CA2: variants seen among roughly 807,000 people sequenced by gnomAD.
CA2 encodes carbonate dehydratase II.
A neutral mutation model predicts 27.8 loss-of-function variants in CA2; 23 were observed. That is an observed-to-expected ratio of 0.83 (90% CI 0.59 to 1.17). The LOEUF is 1.17. Ranked by LOEUF, CA2 falls within the 50% of genes most tolerant of loss-of-function variation. CA2 has a pLI of 0.00. For missense variants in CA2, 300 were observed against 314.7 expected (o/e 0.95, Z 0.35); for synonymous variants, 99 against 114.9 (o/e 0.86, Z 0.88).
intron 4 of CA2, among the ~76,000 whole-genome samples, chr8:85,474,759 G>A (rs1215258659): frequency 6.6e-6 from 1 of 152,156 alleles, no homozygotes; most frequent in African/African-American, 2.4e-5. Context: ...TTCTGAAGAG[G>A]GGAAGGACAG....
In CA2 at chr8:85,464,039, G is replaced by C. The variant is rs556311734; in HGVS notation, c.-43G>C. 9.7e-6 allele frequency: 15 copies of C among 1,539,542 alleles called. No homozygotes were observed. The highest frequency in any genetic ancestry group is 5.5e-5 in the African/African-American group (4 of 72,718). ...GCAGGCGCCCAAGCCGCCGCCGCCA[G>C]ATCGGTGCCGATTCCTGCCCTGCCC... On this transcript the variant is annotated 5_prime_UTR_variant, in exon 1 of 7. Coordinates refer to ENST00000285379, the MANE Select transcript of CA2 (RefSeq NM_000067.3).
intron 2 of CA2, among the ~76,000 whole-genome samples, chr8:85,466,185 A>C (rs1234170211): frequency 7.0e-6 from 1 of 142,660 alleles, no homozygotes; most frequent in Non-Finnish European, 1.5e-5. Flanking sequence ...TTTTTTTTTT[A>C]TCTCTCTCTC....
chr8:85,478,805 C>A (rs1043238369), intron 6 of CA2, among the ~76,000 whole-genome samples: 4 of 152,192 alleles, frequency 2.6e-5, no homozygotes, highest in African/African-American at 9.6e-5. Flanking sequence ...CTATCTGAGT[C>A]CCTTGACTTG....
Position 85,473,708 on chromosome 8 carries a change from C to T in CA2, c.248C>T (p.Pro83Leu). The part of the protein sequence containing the change: ...SQDKAVLKGG[P>L]LDGTYRLIQF... ...TTAATTTTAGTGCTCAAGGGAGGAC[C>T]CCTGGATGGCACTTACAGATTGATT... The change falls in exon 3 of 7, where the codon CCC becomes CTC. Residue 83 changes from proline (P) to leucine (L), a missense_variant. Physicochemically the swap from Pro to Leu is moderately conservative, Grantham distance 98. Around this residue, in one of 3 missense-constraint regions of CA2, gnomAD observed 122 missense variants for 133.2 expected, o/e 0.92. Transcript: ENST00000285379. 1.3e-6 allele frequency: 2 copies of T among 1,597,696 alleles called. No individual in the cohort carries two copies. Among genetic ancestry groups the T allele is most frequent in the Non-Finnish European group, 1.7e-6 (2 of 1,165,162 alleles).
intron 6 of CA2, among the ~76,000 whole-genome samples, chr8:85,479,276 C>T (rs1811852276): frequency 6.6e-6 from 1 of 152,148 alleles, no homozygotes; most frequent in Non-Finnish European, 1.5e-5. Flanking sequence ...ATCGGTTATA[C>T]TGGTTTGATC....
intron 2 of CA2, among the ~76,000 whole-genome samples, chr8:85,469,193 G>A (rs1184688492): frequency 6.6e-6 from 1 of 152,058 alleles, no homozygotes; most frequent in East Asian, 1.9e-4. Context: ...AGTTATTTTT[G>A]TGGTGGTAAC....
chr8:85,475,772 A>G (rs1423166048), intron 4 of CA2, 26 bp from the exon 5 acceptor site: 8 of 1,609,238 alleles, frequency 5.0e-6, no homozygotes, highest in African/African-American at 1.3e-5. Context: ...GGGTGATAGT[A>G]TCTTGCCCTT....
intron 5 of CA2, among the ~76,000 whole-genome samples, chr8:85,476,101 A>T (rs1811795211): frequency 6.6e-6 from 1 of 152,216 alleles, no homozygotes; most frequent in Non-Finnish European, 1.5e-5. Flanking sequence ...TCATTTGGAC[A>T]TCCATATGTA....
In CA2 at chr8:85,473,779, C is replaced by T. The variant is rs118203933; in HGVS notation, c.319C>T (p.His107Tyr). 6.2e-7 allele frequency: 1 copy of T among 1,602,820 alleles called. No individual in the cohort carries two copies. Among genetic ancestry groups the T allele is most frequent in the Non-Finnish European group, 8.5e-7 (1 of 1,169,882 alleles). Residue 107 changes from histidine (H) to tyrosine (Y), a missense_variant, in exon 3 of 7, where the codon CAT becomes TAT. His to Tyr is a moderately conservative substitution (Grantham distance 83). Around this residue, in one of 3 missense-constraint regions of CA2, gnomAD observed 122 missense variants for 133.2 expected, o/e 0.92. Coordinates refer to ENST00000285379, the MANE Select transcript of CA2 (RefSeq NM_000067.3). The part of the protein sequence containing the change: ...WGSLDGQGSE[H>Y]TVDKKKYAAE... ...TTCACTTGATGGACAAGGTTCAGAG[C>T]ATACTGTGGATAAAAAGAAATATGC... is the stretch of plus-strand genomic sequence containing the variant.
intron 4 of CA2, 168 bp downstream of exon 4, chr8:85,474,584 A>G: frequency 4.5e-6 from 3 of 668,582 alleles, no homozygotes; most frequent in South Asian, 1.7e-5. Flanking sequence ...TGCAGTGGAG[A>G]TGGAGGGCAG....
chr8:85,476,779 C>T (rs1048167810), intron 5 of CA2, among the ~76,000 whole-genome samples: 1 of 152,124 alleles, frequency 6.6e-6, no homozygotes, highest in East Asian at 1.9e-4. Flanking sequence ...CTTGAAGTCA[C>T]CTCATTTTAG....
In CA2 at chr8:85,464,055, T is replaced by C. The variant is rs1002130884; in HGVS notation, c.-27T>C. ...CCGCCGCCAGATCGGTGCCGATTCCTGCCCTGCCCCGACCGCCAGCGCGAC... is the reference window on the plus strand; with the variant it reads ...CCGCCGCCAGATCGGTGCCGATTCCCGCCCTGCCCCGACCGCCAGCGCGAC... On this transcript the variant is annotated 5_prime_UTR_variant, in exon 1 of 7. Coordinates refer to ENST00000285379, the MANE Select transcript of CA2 (RefSeq NM_000067.3). The C allele has an allele frequency of 1.6e-5, 24 of 1,543,722 alleles. No individual in the cohort carries two copies. Among genetic ancestry groups the C allele is most frequent in the Non-Finnish European group, 2.0e-5 (23 of 1,147,540 alleles).
At chr8:85,475,768 T>C in intron 4 of CA2, 30 bp from the exon 5 acceptor site, 1 of 1,604,628 alleles carries the variant, frequency 6.2e-7, no homozygotes. Flanking sequence ...AACTGGGTGA[T>C]AGTATCTTGC....
chr8:85,481,406 TAC>T lies in CA2; in HGVS notation c.*619_*620del, dbSNP rs1260735228. On this transcript the variant is annotated 3_prime_UTR_variant, in exon 7 of 7. Coordinates refer to ENST00000285379, the MANE Select transcript of CA2 (RefSeq NM_000067.3). ...AAAATTGTTATAATTAGAGTTGTGA[TAC>T]AGAGTATATTTCCATTCAGACAATA... 6.6e-6 allele frequency: 1 copy of T among 152,670 alleles called. No homozygotes were observed. The highest frequency in any genetic ancestry group is 1.5e-5 in the Non-Finnish European group (1 of 68,266). The allele number at this position is 152,670 out of a possible 1,614,324, so 9.5% of individuals were successfully genotyped here.
In CA2 at chr8:85,481,127, A is replaced by G. The variant is rs1172204832; in HGVS notation, c.*338A>G. Reference sequence around the variant, plus strand: ...TTGACTAAAATGCTGCTTTTAAAACATAGGAAAGTAGAATGGTTGAGTGCA... The same window carrying G: ...TTGACTAAAATGCTGCTTTTAAAACGTAGGAAAGTAGAATGGTTGAGTGCA... On this transcript the variant is annotated 3_prime_UTR_variant, in exon 7 of 7. Coordinates refer to ENST00000285379, the MANE Select transcript of CA2 (RefSeq NM_000067.3). 1 of 294,518 alleles carries G rather than the reference A, an allele frequency of 3.4e-6. No individual in the cohort carries two copies. The highest frequency in any genetic ancestry group is 8.0e-5 in the East Asian group (1 of 12,520). The allele number at this position is 294,518 out of a possible 1,614,324, so 18.2% of individuals were successfully genotyped here. A position where few individuals can be genotyped will look rare whatever the true frequency, so the allele number is the denominator to read the frequency against.
At position 85,465,301 on chromosome 8, in the gene CA2, A is replaced by T; in HGVS notation, c.64A>T (p.Ile22Phe). Residue 22 changes from isoleucine to phenylalanine, a missense_variant, in exon 2 of 7, where the codon ATT (isoleucine) becomes TTT (phenylalanine). Around this residue, in one of 3 missense-constraint regions of CA2, gnomAD observed 122 missense variants for 133.2 expected, o/e 0.92. Coordinates refer to ENST00000285379, the MANE Select transcript of CA2 (RefSeq NM_000067.3). ...GPEHWHKDFPIAKGERQSPVD... is the reference protein window; with the variant it reads ...GPEHWHKDFPFAKGERQSPVD... ...TGAGCACTGGCATAAGGACTTCCCC[A>T]TTGCCAAGGGAGAGCGCCAGTCCCC... 1 of 1,614,092 alleles carries T rather than the reference A, an allele frequency of 6.2e-7. No individual in the cohort carries two copies.
chr8:85,466,667 T>C (rs1811635311), intron 2 of CA2, among the ~76,000 whole-genome samples: 1 of 73,240 alleles, frequency 1.4e-5, no homozygotes, highest in Non-Finnish European at 2.8e-5. Context: ...AGTACACACA[T>C]ACATACATAC....
At position 85,477,183 on chromosome 8, in the gene CA2, T is replaced by G; in HGVS notation, c.571T>G (p.Trp191Gly). The G allele has an allele frequency of 1.2e-6, 2 of 1,614,076 alleles. No homozygotes were observed. Among genetic ancestry groups the G allele is most frequent in the Non-Finnish European group, 1.7e-6 (2 of 1,179,948 alleles). ...CCTCCTTCCTGAATCCTTGGATTACTGGACCTACCCAGGCTCACTGACCAC... is the reference window on the plus strand; with the variant it reads ...CCTCCTTCCTGAATCCTTGGATTACGGGACCTACCCAGGCTCACTGACCAC... The part of the protein sequence containing the change: ...RGLLPESLDY[W>G]TYPGSLTTPP... Residue 191 changes from tryptophan to glycine, a missense_variant, in exon 6 of 7, where the codon TGG becomes GGG. This residue lies in a region of CA2 where 173 missense variants were observed against 161.0 expected (regional missense o/e 1.07). Coordinates refer to ENST00000285379, the MANE Select transcript of CA2 (RefSeq NM_000067.3).
intron 2 of CA2, among the ~76,000 whole-genome samples, chr8:85,469,530 A>G (rs910868930): frequency 7.9e-5 from 12 of 152,184 alleles, no homozygotes; most frequent in Admixed American, 7.9e-4. Context: ...GTTAATGAAA[A>G]ATTGCTAATC....
Sources: allele counts gnomAD v4.1 joint callset (sites outside exome capture counted in the v4.1 genomes callset), GRCh38; gene constraint gnomAD v4.1.1; regional missense constraint gnomAD v4.1.1; transcripts MANE v1.5; gene names NCBI Gene and HGNC (gene_info 2026-07-23, HGNC 2026-07-21).